Variants in ALG14 observed in about 807,000 individuals in gnomAD.
The protein encoded by ALG14 is ALG14 UDP-N-acetylglucosaminyltransferase subunit.
ALG14 carries 17 observed loss-of-function variants against 22.8 expected under a neutral mutation model. The observed-to-expected ratio is 0.75, with a 90% CI of 0.51 to 1.12. ALG14 has a LOEUF of 1.12. Ranked by LOEUF, ALG14 falls within the 50% of genes most tolerant of loss-of-function variation. ALG14 has a pLI of 0.00. For missense variants in ALG14, 288 were observed against 271.8 expected, an observed-to-expected ratio of 1.06 and a Z score of -0.42; for synonymous variants, 89 against 103.7, an observed-to-expected ratio of 0.86 and a Z score of 0.86.
At chr1:94,987,716 G>A (rs1672678956) in intron 3 of ALG14, among the ~76,000 whole-genome samples, 1 of 152,196 alleles carries the variant, frequency 6.6e-6, no homozygotes, top group Non-Finnish European at 1.5e-5. Context: ...TATTTAACTT[G>A]AGTAGTCTGA....
chr1:95,040,351 A>G (rs753303992), intron 2 of ALG14, among the ~76,000 whole-genome samples: 1 of 152,154 alleles, frequency 6.6e-6, no homozygotes, highest in Non-Finnish European at 1.5e-5. Flanking sequence ...GACATTTCAT[A>G]AGCACCATAA....
At chr1:95,042,277 TG>T (rs2100799004) in intron 2 of ALG14, among the ~76,000 whole-genome samples, 1 of 150,814 alleles carries the variant, frequency 6.6e-6, no homozygotes, top group South Asian at 2.1e-4. Flanking sequence ...AAGCACTCAT[TG>T]TCCTTTGCTT....
chr1:95,040,852 C>T (rs991037535), intron 2 of ALG14, among the ~76,000 whole-genome samples: 11 of 152,152 alleles, frequency 7.2e-5, no homozygotes, highest in African/African-American at 2.7e-4. Flanking sequence ...ATTTAACTGG[C>T]ACTGGGAAAT....
chr1:95,039,510 G>T (rs1472738033), intron 2 of ALG14, among the ~76,000 whole-genome samples: 1 of 152,146 alleles, frequency 6.6e-6, no homozygotes, highest in Non-Finnish European at 1.5e-5. Flanking sequence ...TTTACCTAGG[G>T]TGAACGGTAC....
At chr1:95,028,996 G>A (rs1364624940) in intron 2 of ALG14, among the ~76,000 whole-genome samples, 2 of 152,090 alleles carry the variant, frequency 1.3e-5, no homozygotes, top group Non-Finnish European at 1.5e-5. Context: ...AGATATATTG[G>A]TTACCTATTT....
At position 95,072,863 on chromosome 1, in the gene ALG14, T is replaced by C. The variant is rs368851775; in HGVS notation, c.36A>G (p.Gly12=). 1.4e-5 allele frequency: 22 copies of C among 1,613,924 alleles called. No individual in the cohort carries two copies. The African/African-American group carries it at 2.9e-4, about 22-fold the overall frequency. ...VCVLVLAAAA[G]AVAVFLILRI... is the part of the protein sequence containing the mutation. ...GCAGGATTAGGAAAACCGCCACAGCTCCTGCGGCCGCAGCTAGAACGAGAA... is the reference window on the plus strand; with the variant it reads ...GCAGGATTAGGAAAACCGCCACAGCCCCTGCGGCCGCAGCTAGAACGAGAA... The change falls in exon 1 of 4, where the codon GGA becomes GGG. Residue 12 remains glycine (G), a synonymous_variant. Coordinates refer to ENST00000370205, the MANE Select transcript of ALG14 (RefSeq NM_144988.4).
chr1:95,008,062 T>C (rs900716299), intron 3 of ALG14, among the ~76,000 whole-genome samples: 3 of 152,242 alleles, frequency 2.0e-5, no homozygotes, highest in African/African-American at 7.2e-5. Flanking sequence ...TTTTTGTTTT[T>C]CTCAGTATTT....
intron 3 of ALG14, among the ~76,000 whole-genome samples, chr1:95,009,392 A>G (rs1673305729): frequency 6.6e-6 from 1 of 152,116 alleles, no homozygotes; most frequent in South Asian, 2.1e-4. Flanking sequence ...TTACTATAGT[A>G]AGTAGAGCAG....
At chr1:95,013,929 TAAA>T (rs66637982) in intron 3 of ALG14, among the ~76,000 whole-genome samples, 16 of 145,078 alleles carry the variant, frequency 1.1e-4, no homozygotes, top group Non-Finnish European at 3.0e-5. Flanking sequence ...ACTTTTTTCT[TAAA>T]AAAAAAAAAA....
rs570453160 is a variant in ALG14, at chr1:94,982,982, C to A, written c.*94G>T. On this transcript the variant is annotated 3_prime_UTR_variant, in exon 4 of 4. Transcript: ENST00000370205. The stretch of plus-strand genomic sequence containing the variant: ...ATCAATAATTCTCAGGACTGTCAGA[C>A]GCCTTTACAAGAAACATGTAGGGTT... 4.0e-6 allele frequency: 4 copies of A among 991,086 alleles called. No individual in the cohort carries two copies. The highest frequency in any genetic ancestry group is 2.5e-5 in the East Asian group (1 of 40,518). 61.4% of individuals were successfully genotyped at this position (991,086 alleles called of 1,614,324 possible).
chr1:95,014,960 T>C (rs1443999121), intron 3 of ALG14, among the ~76,000 whole-genome samples: 2 of 152,208 alleles, frequency 1.3e-5, no homozygotes, highest in East Asian at 1.9e-4. Flanking sequence ...TTATGATTCC[T>C]AACCCTTTGC....
intron 3 of ALG14, among the ~76,000 whole-genome samples, chr1:94,986,307 A>C (rs1437456238): frequency 6.6e-6 from 1 of 152,224 alleles, no homozygotes; most frequent in Non-Finnish European, 1.5e-5. Flanking sequence ...AGAACAAAGC[A>C]GCCATTCACT....
chr1:95,065,677 G>T (rs1045426103), intron 1 of ALG14, among the ~76,000 whole-genome samples: 2 of 152,196 alleles, frequency 1.3e-5, no homozygotes, highest in Non-Finnish European at 2.9e-5. Context: ...CATGAGCGCT[G>T]ATCAGCAGGG....
At chr1:95,039,123 G>T (rs1487968036) in intron 2 of ALG14, among the ~76,000 whole-genome samples, 2 of 152,158 alleles carry the variant, frequency 1.3e-5, no homozygotes, top group African/African-American at 4.8e-5. Flanking sequence ...TGTGGGTGTG[G>T]TTGGTGAAGG....
At chr1:95,066,426 A>G (rs1022709146) in intron 1 of ALG14, among the ~76,000 whole-genome samples, 3 of 152,002 alleles carry the variant, frequency 2.0e-5, no homozygotes, top group Non-Finnish European at 2.9e-5. Context: ...GTTTCACCAC[A>G]TTAGTCAGAC....
chr1:95,008,622 G>A (rs1306786329), intron 3 of ALG14, among the ~76,000 whole-genome samples: 1 of 152,036 alleles, frequency 6.6e-6, no homozygotes, highest in Non-Finnish European at 1.5e-5. Flanking sequence ...CCAGTAAGTG[G>A]GTAGCAGGAG....
At chr1:95,007,305 A>G (rs1451853026) in intron 3 of ALG14, among the ~76,000 whole-genome samples, 3 of 152,212 alleles carry the variant, frequency 2.0e-5, no homozygotes, top group African/African-American at 7.2e-5. Flanking sequence ...GATAGCATCC[A>G]TCTACCAGCA....
intron 2 of ALG14, among the ~76,000 whole-genome samples, chr1:95,053,435 C>T (rs185360607): frequency 5.4e-4 from 82 of 152,024 alleles, no homozygotes; most frequent in African/African-American, 1.5e-3. Flanking sequence ...TAATTCACTA[C>T]GTAGAATCAA....
chr1:95,062,629 T>G (rs1216439168), intron 2 of ALG14, among the ~76,000 whole-genome samples: 1 of 152,262 alleles, frequency 6.6e-6, no homozygotes, highest in Non-Finnish European at 1.5e-5. Context: ...GGACATGATC[T>G]TGTTCCTTTT....
Sources: gnomAD v4.1 joint callset for allele counts (sites outside exome capture counted in the v4.1 genomes callset) on GRCh38, gnomAD v4.1.1 for gene constraint, MANE v1.5 for transcripts, NCBI Gene and HGNC (gene_info 2026-07-23, HGNC 2026-07-21) for gene names.